FOXJ2: variants seen among roughly 807,000 people sequenced by gnomAD.
The protein encoded by FOXJ2 is forkhead box protein J2.
In FOXJ2, 18 loss-of-function variants were observed where a neutral mutation model predicts 68.4. The ratio of observed to expected loss-of-function variants is 0.26; its 90% confidence interval spans 0.18 to 0.39. The LOEUF (loss-of-function observed/expected upper bound fraction) is 0.39, where lower values mean the gene tolerates loss of function less well. FOXJ2 is among the 10% of genes least tolerant of loss of function. The pLI is 1.00. For synonymous variants in FOXJ2, 274 were observed against 263.2 expected (o/e 1.04, Z -0.40); for missense variants, 670 against 726.5 (o/e 0.92, Z 0.89).
chr12:8,050,827 C>T (rs1483195174), intron 10 of FOXJ2, among the ~76,000 whole-genome samples: 3 of 139,904 alleles, frequency 2.1e-5, no homozygotes, highest in Non-Finnish European at 4.7e-5. Flanking sequence ...CCTCCCCTCC[C>T]TTCCCCTCCC....
rs925597042 is a variant in FOXJ2, at chr12:8,040,035, G to A, written c.203G>A (p.Arg68Gln). The change falls in exon 2 of 11, where the codon CGA becomes CAA. Residue 68 changes from arginine (R) to glutamine (Q), a missense_variant. Around this residue, in one of 2 missense-constraint regions of FOXJ2, gnomAD observed 115 missense variants for 164.3 expected, o/e 0.70. Transcript: ENST00000162391. This position sits in a 1 kb window ranked among gnomAD's most constrained non-coding sequence, Gnocchi z 4.0. ...GCAGTGCACCAGGACGGCAAGCCAC[G>A]ATACAGCTATGCCACTCTCATCACC... ...EAAVHQDGKP[R>Q]YSYATLITYA... The A allele has an allele frequency of 1.4e-5, 22 of 1,613,962 alleles. No individual in the cohort carries two copies. The highest frequency in any genetic ancestry group is 1.7e-5 in the Non-Finnish European group (20 of 1,180,016).
At chr12:8,045,106 C>A in intron 6 of FOXJ2, 148 bp downstream of exon 6, 2 of 761,220 alleles carry the variant, frequency 2.6e-6, no homozygotes, top group Non-Finnish European at 4.1e-6. Flanking sequence ...TGCAGTGGCA[C>A]GATCTGAGCT....
rs779994508 is a variant in FOXJ2, at chr12:8,049,486, G to T, written c.1452G>T (p.Gly484=). Residue 484 remains glycine, a synonymous_variant, in exon 9 of 11, where the codon GGG becomes GGT. Coordinates refer to ENST00000162391, the MANE Select transcript of FOXJ2 (RefSeq NM_018416.3). ...AGACTGGTCACGTGCCCCCTCAAGG[G>T]GGTACCCACCGCCCACCAGCCCCTG... ...LTQTGHVPPQ[G]GTHRPPAPAR... The T allele has an allele frequency of 3.7e-6, 6 of 1,614,072 alleles. No homozygotes were observed. Among genetic ancestry groups the T allele is most frequent in the Non-Finnish European group, 5.1e-6 (6 of 1,179,996 alleles).
Position 8,040,054 on chromosome 12 carries a change from C to T in FOXJ2, c.222C>T (p.Leu74=), listed in dbSNP as rs193084823. The change falls in exon 2 of 11, where the codon CTC becomes CTT. Residue 74 remains leucine (L), a synonymous_variant. Coordinates refer to ENST00000162391, the MANE Select transcript of FOXJ2 (RefSeq NM_018416.3). The surrounding 1 kb of genome is among the most constrained non-coding windows in gnomAD (Gnocchi z 4.0). ...DGKPRYSYAT[L]ITYAINSSPA... ...AGCCACGATACAGCTATGCCACTCTCATCACCTATGCCATCAACTCCTCTC... is the reference window on the plus strand; with the variant it reads ...AGCCACGATACAGCTATGCCACTCTTATCACCTATGCCATCAACTCCTCTC... 1,045 of 1,614,176 alleles carry T rather than the reference C, an allele frequency of 6.5e-4. 1 individual carries two copies. The highest frequency in any genetic ancestry group is 8.7e-4 in the Non-Finnish European group (1,021 of 1,180,042).
At chr12:8,044,602 A>T (rs143357014) in intron 5 of FOXJ2, among the ~76,000 whole-genome samples, 158 bp from the exon 6 acceptor site, 2 of 152,294 alleles carry the variant, frequency 1.3e-5, no homozygotes, top group African/African-American at 4.8e-5. Context: ...TAGATTCAAG[A>T]TAAGAACTAA....
chr12:8,043,760 A>C lies in FOXJ2; in HGVS notation c.468A>C (p.Pro156=). ...TTTCCCGAAAGAGAAGACACCCTCCAGATGATGATGTAAGTTCCCAGCTCA... is the reference window on the plus strand; with the variant it reads ...TTTCCCGAAAGAGAAGACACCCTCCCGATGATGATGTAAGTTCCCAGCTCA... ...PDISRKRRHP[P]DDDLSQDSPE... Residue 156 remains proline (P), a synonymous_variant, in exon 4 of 11, where the codon CCA becomes CCC. Transcript: ENST00000162391. 1 of 1,614,224 alleles carries C rather than the reference A, an allele frequency of 6.2e-7. No individual in the cohort carries two copies.
At chr12:8,039,680 C>T (rs867349452) in intron 1 of FOXJ2, 139 bp from the exon 2 acceptor site, 11 of 704,416 alleles carry the variant, frequency 1.6e-5, no homozygotes, top group Admixed American at 2.7e-5. Context: ...CTTGGGGATT[C>T]TGGGAACACC....
chr12:8,046,490 C>T (rs939106339), intron 6 of FOXJ2, among the ~76,000 whole-genome samples: 4 of 152,170 alleles, frequency 2.6e-5, no homozygotes, highest in Admixed American at 2.6e-4. Context: ...TAAATGATGA[C>T]TTTCTTCTAG....
Position 8,040,221 on chromosome 12 carries a change from G to A in FOXJ2, c.333+56G>A. On this transcript the variant is annotated intron_variant, in intron 2 of 10. Transcript: ENST00000162391. The surrounding 1 kb of genome is among the most constrained non-coding windows in gnomAD (Gnocchi z 4.0). Reference sequence around the variant, plus strand: ...TTTAGGCTTCAACAGCCTTTTTAGAGAAAAAGGTTTTGTTTCTTCTTGTAA... The same window carrying A: ...TTTAGGCTTCAACAGCCTTTTTAGAAAAAAAGGTTTTGTTTCTTCTTGTAA... The A allele has an allele frequency of 6.5e-7, 1 of 1,536,602 alleles. No individual in the cohort carries two copies. The highest frequency in any genetic ancestry group is 8.9e-7 in the Non-Finnish European group (1 of 1,127,398).
rs867315498 is a variant in FOXJ2, at chr12:8,052,419, C to T, written c.1637-343C>T. Among the ~76,000 whole-genome samples, 10 of 152,216 alleles carry T rather than the reference C, an allele frequency of 6.6e-5. 1 individual carries two copies. In the South Asian group the frequency reaches 2.1e-3, roughly 32 times the overall value. On this transcript the variant is annotated intron_variant, in intron 10 of 10. Coordinates refer to ENST00000162391, the MANE Select transcript of FOXJ2 (RefSeq NM_018416.3). The stretch of plus-strand genomic sequence containing the variant: ...GTTTTTAGTAGAGATGGGGTTTCTC[C>T]ATGTTGGCCAGGCTGGTCTCGAATT...
chr12:8,048,123 G>T lies in FOXJ2; in HGVS notation c.1059G>T (p.Gly353=). Residue 353 remains glycine, a synonymous_variant, in exon 7 of 11, where the codon GGG becomes GGT. Transcript: ENST00000162391. ...GCTPPGGKQA[G]AEGYGPPPVM... ...CCCCACCAGGGGGAAAGCAAGCTGG[G>T]GCGGAAGGCTATGGGCCTCCCCCTG... 1 of 1,613,336 alleles carries T rather than the reference G, an allele frequency of 6.2e-7. No individual in the cohort carries two copies. Among genetic ancestry groups the T allele is most frequent in the Admixed American group, 1.7e-5 (1 of 59,960 alleles).
chr12:8,033,233 A>G lies in FOXJ2; in HGVS notation c.-615A>G. 4.9e-6 allele frequency: 1 copy of G among 202,998 alleles called. No homozygotes were observed. Among genetic ancestry groups the G allele is most frequent in the Non-Finnish European group, 9.8e-6 (1 of 102,086 alleles). The allele number at this position is 202,998 out of a possible 1,614,324, so 12.6% of individuals were successfully genotyped here. The stretch of plus-strand genomic sequence containing the variant: ...CGCGCCCCCGCCCCTCCAAACACAC[A>G]CTCTCAACAGTTCAGGACTTTGGAG... On this transcript the variant is annotated 5_prime_UTR_variant, in exon 1 of 11. Transcript: ENST00000162391.
At position 8,038,673 on chromosome 12, in the gene FOXJ2, T is replaced by C. The variant is rs1248601145; in HGVS notation, c.-14-1146T>C. ...CTGCCAGCCTTTCTAGACCCTGCAA[T>C]ACAGATATCACCCATCGTTCTTCAC... On this transcript the variant is annotated intron_variant, in intron 1 of 10. Transcript: ENST00000162391. The surrounding 1 kb of genome is among the most constrained non-coding windows in gnomAD (Gnocchi z 5.3). Among the ~76,000 whole-genome samples the C allele has an allele frequency of 6.6e-6, 1 of 152,160 alleles. No individual in the cohort carries two copies. Among genetic ancestry groups the C allele is most frequent in the Non-Finnish European group, 1.5e-5 (1 of 68,026 alleles).
At position 8,055,036 on chromosome 12, in the gene FOXJ2, G is replaced by A. The variant is rs983947339; in HGVS notation, c.*2186G>A. ...GTAGCTGAAGTTTGGGTCTGGGACT[G>A]GAGATTGGCCATTAGGCCTCCTGAG... On this transcript the variant is annotated 3_prime_UTR_variant, in exon 11 of 11. Transcript: ENST00000162391. 2.6e-5 allele frequency: 4 copies of A among 152,256 alleles called. No homozygotes were observed. Among genetic ancestry groups the A allele is most frequent in the African/African-American group, 9.6e-5 (4 of 41,472 alleles). The allele number at this position is 152,256 out of a possible 1,614,324, so 9.4% of individuals were successfully genotyped here.
Position 8,040,250 on chromosome 12 carries a change from G to A in FOXJ2, c.333+85G>A. 7.3e-7 allele frequency: 1 copy of A among 1,362,272 alleles called. No homozygotes were observed. The highest frequency in any genetic ancestry group is 1.0e-6 in the Non-Finnish European group (1 of 989,838). The allele number at this position is 1,362,272 out of a possible 1,614,324, so 84.4% of individuals were successfully genotyped here. On this transcript the variant is annotated intron_variant, in intron 2 of 10. Transcript: ENST00000162391. The surrounding 1 kb of genome is among the most constrained non-coding windows in gnomAD (Gnocchi z 4.0). The stretch of plus-strand genomic sequence containing the variant: ...AAGGTTTTGTTTCTTCTTGTAACCT[G>A]TTCAGTTTACTCTGGTTTGTCTCAG...
rs116779840 is a variant in FOXJ2 at position 8,048,845 on chromosome 12, A to G, written c.1327+47A>G. ...GAAGAGAGGGATACACTGTAAGGGA[A>G]AACCCAGTAGAAACTGGAACCGGAA... On this transcript the variant is annotated intron_variant, in intron 8 of 10. Coordinates refer to ENST00000162391, the MANE Select transcript of FOXJ2 (RefSeq NM_018416.3). 2,190 of 1,523,958 alleles carry G rather than the reference A, an allele frequency of 1.4e-3. 25 individuals carry two copies. The African/African-American group carries it at 0.024, about 17-fold the overall frequency. 94.4% of individuals were successfully genotyped at this position (1,523,958 alleles called of 1,614,324 possible).
chr12:8,042,543 C>T, intron 2 of FOXJ2, 115 bp from the exon 3 acceptor site: 1 of 817,238 alleles, frequency 1.2e-6, no homozygotes, highest in Non-Finnish European at 2.0e-6. Flanking sequence ...TGAGCTTACC[C>T]TGATACTTCA....
intron 1 of FOXJ2, among the ~76,000 whole-genome samples, chr12:8,037,804 A>G (rs1436018496): frequency 6.6e-6 from 1 of 152,218 alleles, no homozygotes; most frequent in Non-Finnish European, 1.5e-5. Flanking sequence ...TGATCCTGCT[A>G]CAAGTATACA....
chr12:8,050,667 T>G, intron 10 of FOXJ2, 47 bp downstream of exon 10: 1 of 1,605,008 alleles, frequency 6.2e-7, no homozygotes, highest in Non-Finnish European at 8.5e-7. Flanking sequence ...TCTGATGAGT[T>G]GCTTTGCTTT....
Sources: allele counts gnomAD v4.1 joint callset (sites outside exome capture counted in the v4.1 genomes callset), GRCh38; gene constraint gnomAD v4.1.1; regional missense constraint gnomAD v4.1.1; non-coding constraint Gnocchi (gnomAD v3.1); transcripts MANE v1.5; gene names NCBI Gene and HGNC (gene_info 2026-07-23, HGNC 2026-07-21).